Variants in KCNA2 observed in about 807,000 individuals in gnomAD.
The protein encoded by KCNA2 is potassium channel, voltage gated shaker related subfamily A, member 2.
KCNA2 carries 11 observed loss-of-function variants against 33.4 expected under a neutral mutation model. The observed-to-expected ratio is 0.33, with a 90% CI of 0.21 to 0.55. The LOEUF is 0.55. Ranked by LOEUF, KCNA2 falls within the 20% of genes least tolerant of loss-of-function variation. KCNA2 has a pLI of 0.93. For missense variants in KCNA2, 291 were observed against 621.6 expected (o/e 0.47, Z 5.66); for synonymous variants, 222 against 231.3 (o/e 0.96, Z 0.37).
At chr1:110,606,767 G>A (rs1210489094), upstream of KCNA2, 1 of 152,298 alleles carries the variant, frequency 6.6e-6, no homozygotes, top group African/African-American at 2.4e-5. Context: ...TGCCGCCCCA[G>A]ATCTCAGCTT....
intron 1 of KCNA2, among the ~76,000 whole-genome samples, chr1:110,616,893 A>C (rs1650084491): frequency 6.6e-6 from 1 of 152,252 alleles, no homozygotes; most frequent in Non-Finnish European, 1.5e-5. Flanking sequence ...AATTGTCAAC[A>C]ATTGACTCTA....
In KCNA2 at chr1:110,598,244, T is replaced by C. The variant is rs935460920; in HGVS notation, c.*5039A>G. On this transcript the variant is annotated 3_prime_UTR_variant, in exon 3 of 3. Coordinates refer to ENST00000316361, the MANE Select transcript of KCNA2 (RefSeq NM_004974.4). ...ACCCACATACAAGTTATTATGACAATGGGCCCCAGGAAAGCTCTGGGGAGC... is the reference window on the plus strand; with the variant it reads ...ACCCACATACAAGTTATTATGACAACGGGCCCCAGGAAAGCTCTGGGGAGC... The C allele has an allele frequency of 3.6e-6, 2 of 556,292 alleles. No homozygotes were observed. Among genetic ancestry groups the C allele is most frequent in the Non-Finnish European group, 4.6e-6 (2 of 438,288 alleles). The allele number at this position is 556,292 out of a possible 1,614,324, so 34.5% of individuals were successfully genotyped here.
rs1354398515 is a variant in KCNA2 at position 110,625,708 on chromosome 1, G to A, written c.-496+5687C>T. 2.6e-5 allele frequency among the ~76,000 whole-genome samples: 4 copies of A among 152,062 alleles called. No homozygotes were observed. The East Asian group carries it at 7.7e-4, about 29-fold the overall frequency. ...CTGTAACTCATTATCCAGACAAATG[G>A]CTAATCTTCATATATAAAGAGCTGA... is the stretch of plus-strand genomic sequence containing the variant. On this transcript the variant is annotated intron_variant, in intron 1 of 4. Transcript: ENST00000369770.
chr1:110,604,113 T>C lies in KCNA2; in HGVS notation c.670A>G (p.Ile224Val). ...QSTSFTDPFFIVETLCIIWFS... is the reference protein window; with the variant it reads ...QSTSFTDPFFVVETLCIIWFS... ...CAGATGATGCAGAGTGTCTCTACAA[T>C]GAAGAAAGGGTCTGTGAAGGAAGTG... The change falls in exon 3 of 3, where the codon ATT becomes GTT. Residue 224 changes from isoleucine to valine, a missense_variant. Physicochemically the swap from Ile to Val is conservative, Grantham distance 29 (BLOSUM62 3). This residue lies in a region of KCNA2 where 43 missense variants were observed against 159.4 expected (regional missense o/e 0.27). Coordinates refer to ENST00000316361, the MANE Select transcript of KCNA2 (RefSeq NM_004974.4). The surrounding 1 kb of genome is among the most constrained non-coding windows in gnomAD (Gnocchi z 7.6). The C allele has an allele frequency of 1.2e-6, 2 of 1,614,020 alleles. No individual in the cohort carries two copies. The highest frequency in any genetic ancestry group is 1.7e-6 in the Non-Finnish European group (2 of 1,179,994).
chr1:110,614,370 C>G (rs1360172103), intron 1 of KCNA2, among the ~76,000 whole-genome samples: 1 of 152,198 alleles, frequency 6.6e-6, no homozygotes, highest in Non-Finnish European at 1.5e-5. Context: ...ACTGTTTTTG[C>G]TTCATAAAAG....
At chr1:110,609,373 AC>A (rs1649793856), upstream of KCNA2, among the ~76,000 whole-genome samples, 1 of 152,182 alleles carries the variant, frequency 6.6e-6, no homozygotes, top group Non-Finnish European at 1.5e-5. Flanking sequence ...AGCACTTCTT[AC>A]CCAGGGCAAC....
intron 1 of KCNA2, among the ~76,000 whole-genome samples, chr1:110,620,799 C>T (rs1352380990): frequency 2.0e-5 from 3 of 152,152 alleles, no homozygotes; most frequent in Non-Finnish European, 2.9e-5. Context: ...CCAGCGGCCC[C>T]GTGTGTTGGA....
At chr1:110,613,687 G>A (rs182794236) in intron 1 of KCNA2, among the ~76,000 whole-genome samples, 1 of 152,332 alleles carries the variant, frequency 6.6e-6, no homozygotes, top group East Asian at 1.9e-4. Flanking sequence ...CTGTATCAGA[G>A]GATAGCAGGG....
At position 110,601,849 on chromosome 1, in the gene KCNA2, T is replaced by C; in HGVS notation, c.*1434A>G. 1 of 1,418,596 alleles carries C rather than the reference T, an allele frequency of 7.0e-7. No homozygotes were observed. Among genetic ancestry groups the C allele is most frequent in the Non-Finnish European group, 9.1e-7 (1 of 1,092,940 alleles). 87.9% of individuals were successfully genotyped at this position (1,418,596 alleles called of 1,614,324 possible). Reference sequence around the variant, plus strand: ...GTGTGTATACATATACACACATATGTATGTATATATATACACCCTAGTGCA... The same window carrying C: ...GTGTGTATACATATACACACATATGCATGTATATATATACACCCTAGTGCA... On this transcript the variant is annotated 3_prime_UTR_variant, in exon 3 of 3. Transcript: ENST00000316361.
rs764994219 is a variant in KCNA2, at chr1:110,595,711, G to T, written c.*7572C>A. The T allele has an allele frequency of 3.6e-5, 35 of 985,272 alleles. No individual in the cohort carries two copies. The highest frequency in any genetic ancestry group is 4.2e-5 in the Non-Finnish European group (35 of 829,928). 61.0% of individuals were successfully genotyped at this position (985,272 alleles called of 1,614,324 possible). A position where few individuals can be genotyped will look rare whatever the true frequency, so the allele number is the denominator to read the frequency against. ...CCAAAGAGGCAACTGAATTTCAGCT[G>T]CTCTAATACCCACACCCTCAACTTA... is the stretch of plus-strand genomic sequence containing the variant. On this transcript the variant is annotated 3_prime_UTR_variant, in exon 3 of 3. Coordinates refer to ENST00000316361, the MANE Select transcript of KCNA2 (RefSeq NM_004974.4).
At position 110,596,893 on chromosome 1, in the gene KCNA2, C is replaced by A. The variant is rs1235632644; in HGVS notation, c.*6390G>T. The stretch of plus-strand genomic sequence containing the variant: ...GGGACCCTGGGGTTGCCAGCCTTCC[C>A]TGATTGTCCAGTCTGAACATTTAAG... On this transcript the variant is annotated 3_prime_UTR_variant, in exon 3 of 3. Transcript: ENST00000316361. 12 of 985,454 alleles carry A rather than the reference C, an allele frequency of 1.2e-5. No homozygotes were observed. The highest frequency in any genetic ancestry group is 1.4e-5 in the Non-Finnish European group (12 of 829,948). The allele number at this position is 985,454 out of a possible 1,614,324, so 61.0% of individuals were successfully genotyped here. A position where few individuals can be genotyped will look rare whatever the true frequency, so the allele number is the denominator to read the frequency against.
At position 110,600,850 on chromosome 1, in the gene KCNA2, G is replaced by A; in HGVS notation, c.*2433C>T. On this transcript the variant is annotated 3_prime_UTR_variant, in exon 3 of 3. Transcript: ENST00000316361. ...GGGATGTGGGTGACCAGGCACTAATGAGCACCCTGGGCCTAGCACCCTGAG... is the reference window on the plus strand; with the variant it reads ...GGGATGTGGGTGACCAGGCACTAATAAGCACCCTGGGCCTAGCACCCTGAG... 5.1e-6 allele frequency: 5 copies of A among 985,468 alleles called. No homozygotes were observed. The highest frequency in any genetic ancestry group is 6.0e-6 in the Non-Finnish European group (5 of 829,968). The allele number at this position is 985,468 out of a possible 1,614,324, so 61.0% of individuals were successfully genotyped here. A position where few individuals can be genotyped will look rare whatever the true frequency, so the allele number is the denominator to read the frequency against.
At position 110,601,904 on chromosome 1, in the gene KCNA2, T is replaced by G. The variant is rs4839071; in HGVS notation, c.*1379A>C. The stretch of plus-strand genomic sequence containing the variant: ...GTCAAACACATGCATAAATTGCCCT[T>G]TGTCAAAAATATTGCATAAGCTTGT... On this transcript the variant is annotated 3_prime_UTR_variant, in exon 3 of 3. Transcript: ENST00000316361. 1,455,444 of 1,455,914 alleles carry G rather than the reference T, an allele frequency of 1. 727,487 individuals are homozygous for G. The highest frequency in any genetic ancestry group is 1 in the East Asian group (40,174 of 40,174). The allele number at this position is 1,455,914 out of a possible 1,614,324, so 90.2% of individuals were successfully genotyped here.
rs1339662976 is a variant in KCNA2 at position 110,629,610 on chromosome 1, T to C, written c.-496+1785A>G. Among the ~76,000 whole-genome samples the C allele has an allele frequency of 2.0e-5, 3 of 152,318 alleles. No individual in the cohort carries two copies. In the South Asian group the frequency reaches 6.2e-4, roughly 32 times the overall value. On this transcript the variant is annotated intron_variant, in intron 1 of 4. Transcript: ENST00000369770. ...TTTAAATTATTTGTTGCTATGTTTT[T>C]CTCCTCACTAGTTGTGAGCAACTTG...
upstream of KCNA2, among the ~76,000 whole-genome samples, chr1:110,608,612 G>A (rs1649761163): frequency 6.6e-6 from 1 of 152,170 alleles, no homozygotes; most frequent in African/African-American, 2.4e-5. Flanking sequence ...GGGGTGGTCT[G>A]GGAGGGCAGT....
rs1649249615 is a variant in KCNA2, at chr1:110,599,617, T to C, written c.*3666A>G. ...AGACAGGTCTCTATAGGGTCTCAAC[T>C]TCCTGACCGTGCCCCCAACAAAGCT... On this transcript the variant is annotated 3_prime_UTR_variant, in exon 3 of 3. Coordinates refer to ENST00000316361, the MANE Select transcript of KCNA2 (RefSeq NM_004974.4). 1.0e-6 allele frequency: 1 copy of C among 985,324 alleles called. No individual in the cohort carries two copies. The highest frequency in any genetic ancestry group is 6.1e-5 in the Admixed American group (1 of 16,266). 61.0% of individuals were successfully genotyped at this position (985,324 alleles called of 1,614,324 possible).
intron 1 of KCNA2, among the ~76,000 whole-genome samples, chr1:110,619,724 A>G (rs1054047381): frequency 1.3e-5 from 2 of 152,224 alleles, no homozygotes; most frequent in Admixed American, 6.5e-5. Context: ...GGAGATTTTG[A>G]GGGTTTGATA....
intron 1 of KCNA2, among the ~76,000 whole-genome samples, chr1:110,631,090 C>A (rs1243414049): frequency 6.6e-6 from 1 of 152,138 alleles, no homozygotes; most frequent in African/African-American, 2.4e-5. Context: ...GCCTCAGACC[C>A]CATCCCCTCA....
Position 110,604,612 on chromosome 1 carries a change from G to A in KCNA2, c.171C>T (p.Thr57=), listed in dbSNP as rs1649517005. 6.2e-7 allele frequency: 1 copy of A among 1,614,190 alleles called. No homozygotes were observed. Among genetic ancestry groups the A allele is most frequent in the Non-Finnish European group, 8.5e-7 (1 of 1,180,044 alleles). Reference sequence around the variant, plus strand: ...TTCGTTTCTTTGGGTCCCCTAAGAGGGTCTCTGGAAACTGGGCTAAGGTCT... The same window carrying A: ...TTCGTTTCTTTGGGTCCCCTAAGAGAGTCTCTGGAAACTGGGCTAAGGTCT... ...QLKTLAQFPE[T]LLGDPKKRMR... The change falls in exon 3 of 3, where the codon ACC becomes ACT. Residue 57 remains threonine, a synonymous_variant. Transcript: ENST00000316361. The surrounding 1 kb of genome is among the most constrained non-coding windows in gnomAD (Gnocchi z 7.6).
Sources: gnomAD v4.1 joint callset for allele counts (sites outside exome capture counted in the v4.1 genomes callset) on GRCh38, gnomAD v4.1.1 for gene constraint, gnomAD v4.1.1 regional missense constraint, Gnocchi (gnomAD v3.1) non-coding constraint, MANE v1.5 for transcripts, NCBI Gene and HGNC (gene_info 2026-07-23, HGNC 2026-07-21) for gene names.